CRYBG3: variants seen among roughly 807,000 people sequenced by gnomAD.
CRYBG3 encodes crystallin beta-gamma domain containing 3.
Under a neutral mutation model 244.2 loss-of-function variants are expected in CRYBG3, and 127 were observed. That is an observed-to-expected ratio of 0.52 (90% CI 0.45 to 0.60). CRYBG3 has a LOEUF of 0.60. CRYBG3 is among the 20% of genes least tolerant of loss of function. The pLI is 0.00. For missense variants in CRYBG3, 3,325 were observed against 3,442.5 expected, an observed-to-expected ratio of 0.97 and a Z score of 0.85; for synonymous variants, 1,132 against 1,195.8, an observed-to-expected ratio of 0.95 and a Z score of 1.10.
At chr3:97,916,920 C>T (rs369306525) in intron 17 of CRYBG3, among the ~76,000 whole-genome samples, 1 of 152,114 alleles carries the variant, frequency 6.6e-6, no homozygotes, top group Non-Finnish European at 1.5e-5. Flanking sequence ...CAAGTCTCTG[C>T]AGTCTTTGAT....
intron 3 of CRYBG3, among the ~76,000 whole-genome samples, chr3:97,867,397 G>GT (rs2039247357): frequency 2.0e-5 from 3 of 152,170 alleles, no homozygotes; most frequent in Non-Finnish European, 4.4e-5. Context: ...TACTTTTGCT[G>GT]TAAGTTTAGC....
chr3:97,875,068 C>T lies in CRYBG3; in HGVS notation c.3874C>T (p.Pro1292Ser), dbSNP rs2039354920. Residue 1292 changes from proline (P) to serine (S), a missense_variant, in exon 4 of 22, where the codon CCT becomes TCT. Coordinates refer to ENST00000389622, the MANE Select transcript of CRYBG3 (RefSeq NM_153605.4). ...TVGEKNLLVD[P>S]NSMNVSCLLE... ...TGGTGAGAAGAATCTTCTTGTTGAT[C>T]CTAATAGTATGAATGTATCTTGTTT... 1 of 1,533,792 alleles carries T rather than the reference C, an allele frequency of 6.5e-7. No homozygotes were observed. Among genetic ancestry groups the T allele is most frequent in the East Asian group, 2.4e-5 (1 of 40,902 alleles).
In CRYBG3 at chr3:97,874,872, G is replaced by C. The variant is rs1038792702; in HGVS notation, c.3678G>C (p.Glu1226Asp). The change falls in exon 4 of 22, where the codon GAG becomes GAC. Residue 1226 changes from glutamate to aspartate, a missense_variant. This residue lies in a region of CRYBG3 where 1,526 missense variants were observed against 1,443.2 expected (regional missense o/e 1.06). Transcript: ENST00000389622. ...AACACACAGTGAGTACCTGCCAGGA[G>C]CATATAGCCATAGAAGGTATAATGA... ...KFKHTVSTCQ[E>D]HIAIEGIMNL... 1 of 1,535,408 alleles carries C rather than the reference G, an allele frequency of 6.5e-7. No individual in the cohort carries two copies. The highest frequency in any genetic ancestry group is 1.7e-4 in the Middle Eastern group (1 of 5,982).
chr3:97,864,724 G>C, intron 3 of CRYBG3, 77 bp downstream of exon 3: 1 of 964,334 alleles, frequency 1.0e-6, no homozygotes, highest in Non-Finnish European at 1.5e-6. Context: ...TTTAATCCTA[G>C]TAATTGGTGG....
At chr3:97,927,348 A>C (rs2040051115) in intron 17 of CRYBG3, among the ~76,000 whole-genome samples, 2 of 151,968 alleles carry the variant, frequency 1.3e-5, no homozygotes, top group South Asian at 4.1e-4. Flanking sequence ...ATGGTGCTGG[A>C]ATAATTGGCT....
At chr3:97,849,309 G>A (rs894206998) in intron 2 of CRYBG3, among the ~76,000 whole-genome samples, 3 of 152,086 alleles carry the variant, frequency 2.0e-5, no homozygotes, top group African/African-American at 7.2e-5. Context: ...ATTTATTCTG[G>A]GTGAATAGTA....
In CRYBG3 at chr3:97,936,791, A is replaced by G. The variant is rs886724822; in HGVS notation, c.8388A>G (p.Ile2796Met). Reference sequence around the variant, plus strand: ...TTCTTTCTTGTTCTCATAGATGGATAGCTTATGAAGGATCCAATTTCTTGG... The same window carrying G: ...TTCTTTCTTGTTCTCATAGATGGATGGCTTATGAAGGATCCAATTTCTTGG... ...QSVWVKSGLW[I>M]AYEGSNFLGR... Residue 2796 changes from isoleucine to methionine, a missense_variant, in exon 19 of 22, where the codon ATA becomes ATG. Ile to Met is a conservative substitution (Grantham distance 10). Around this residue, in one of 4 missense-constraint regions of CRYBG3, gnomAD observed 714 missense variants for 803.6 expected, o/e 0.89. Coordinates refer to ENST00000389622, the MANE Select transcript of CRYBG3 (RefSeq NM_153605.4). The G allele has an allele frequency of 6.2e-7, 1 of 1,611,692 alleles. No homozygotes were observed. Among genetic ancestry groups the G allele is most frequent in the Non-Finnish European group, 8.5e-7 (1 of 1,179,002 alleles).
At chr3:97,891,613 C>G (rs556759220) in intron 10 of CRYBG3, among the ~76,000 whole-genome samples, 1 of 152,220 alleles carries the variant, frequency 6.6e-6, no homozygotes, top group African/African-American at 2.4e-5. Flanking sequence ...GAGGGTCTTG[C>G]AAATTAACTA....
At chr3:97,842,784 A>T (rs2038840915) in intron 1 of CRYBG3, among the ~76,000 whole-genome samples, 1 of 152,162 alleles carries the variant, frequency 6.6e-6, no homozygotes, top group Non-Finnish European at 1.5e-5. Context: ...GATTTGCTGA[A>T]TAGAAATGCA....
chr3:97,838,726 A>G (rs995684161), intron 1 of CRYBG3, among the ~76,000 whole-genome samples: 2 of 152,088 alleles, frequency 1.3e-5, no homozygotes, highest in Non-Finnish European at 1.5e-5. Flanking sequence ...CTTATCTGCT[A>G]TTGGTTAGGG....
chr3:97,874,793 C>T lies in CRYBG3; in HGVS notation c.3599C>T (p.Ala1200Val), dbSNP rs1258920862. The T allele has an allele frequency of 1.3e-6, 2 of 1,535,900 alleles. No homozygotes were observed. Among genetic ancestry groups the T allele is most frequent in the African/African-American group, 2.7e-5 (2 of 73,024 alleles). ...CTCAAAAGTAGTTTACTCAAAAAGG[C>T]CGATACATTGATTGGTGAGATTTTT... ...LDLKSSLLKK[A>V]DTLIGEIFNS... is the part of the protein sequence containing the mutation. Residue 1200 changes from alanine (A) to valine (V), a missense_variant, in exon 4 of 22, where the codon GCC (alanine) becomes GTC (valine). This residue lies in a region of CRYBG3 where 1,526 missense variants were observed against 1,443.2 expected (regional missense o/e 1.06). Transcript: ENST00000389622.
At chr3:97,900,549 T>G in intron 15 of CRYBG3, 64 bp downstream of exon 15, 3 of 1,000,442 alleles carry the variant, frequency 3.0e-6, no homozygotes, top group Non-Finnish European at 4.6e-6. Context: ...ACCCTTTCTC[T>G]CAAATCTTTC....
At position 97,874,033 on chromosome 3, in the gene CRYBG3, A is replaced by G. The variant is rs2039338984; in HGVS notation, c.2839A>G (p.Ile947Val). The change falls in exon 4 of 22, where the codon ATT (isoleucine) becomes GTT (valine). Residue 947 changes from isoleucine to valine, a missense_variant. Around this residue, in one of 4 missense-constraint regions of CRYBG3, gnomAD observed 1,526 missense variants for 1,443.2 expected, o/e 1.06. Coordinates refer to ENST00000389622, the MANE Select transcript of CRYBG3 (RefSeq NM_153605.4). Reference sequence around the variant, plus strand: ...TAATATATCTTGGATTTTACCACCTATTCATGATGAAAAAATCAGTAGGCA... The same window carrying G: ...TAATATATCTTGGATTTTACCACCTGTTCATGATGAAAAAATCAGTAGGCA... ...KSNISWILPP[I>V]HDEKISRQMA... 1.3e-6 allele frequency: 2 copies of G among 1,535,768 alleles called. No homozygotes were observed. The highest frequency in any genetic ancestry group is 1.4e-5 in the African/African-American group (1 of 73,142).
At chr3:97,938,590 T>C (rs1301304355) in intron 19 of CRYBG3, among the ~76,000 whole-genome samples, 1 of 151,984 alleles carries the variant, frequency 6.6e-6, no homozygotes, top group Non-Finnish European at 1.5e-5. Flanking sequence ...TGAGTTCTGT[T>C]GGTTCAAATC....
intron 1 of CRYBG3, among the ~76,000 whole-genome samples, chr3:97,831,798 T>C (rs1000560208): frequency 2.6e-5 from 4 of 152,176 alleles, no homozygotes; most frequent in African/African-American, 9.6e-5. Flanking sequence ...TTTTATTTAT[T>C]CTAAATTATA....
At chr3:97,912,096 G>C in intron 15 of CRYBG3, 71 bp from the exon 16 acceptor site, 2 of 667,360 alleles carry the variant, frequency 3.0e-6, no homozygotes, top group South Asian at 4.8e-5. Context: ...TGAAATTAAA[G>C]GTTTTTATTT....
intron 7 of CRYBG3, 23 bp from the exon 8 acceptor site, chr3:97,886,608 G>T (rs776219115): frequency 6.3e-7 from 1 of 1,587,492 alleles, no homozygotes; most frequent in Non-Finnish European, 8.6e-7. Flanking sequence ...TGATTTCAAA[G>T]CCAAATTATT....
Position 97,900,452 on chromosome 3 carries a change from G to T in CRYBG3, c.7972-1G>T. The T allele has an allele frequency of 6.5e-7, 1 of 1,549,544 alleles. No homozygotes were observed. The highest frequency in any genetic ancestry group is 8.9e-7 in the Non-Finnish European group (1 of 1,124,364). On this transcript the variant is annotated splice_acceptor_variant, in intron 14 of 21. Coordinates refer to ENST00000389622, the MANE Select transcript of CRYBG3 (RefSeq NM_153605.4). LOFTEE classifies it high-confidence loss of function. ...TGAAAATGTTTTAATATGTTTTTCA[G>T]GAACCACTTGGGATAAATGAACCTC...
At chr3:97,830,834 T>C (rs1433714331) in intron 1 of CRYBG3, among the ~76,000 whole-genome samples, 1 of 152,206 alleles carries the variant, frequency 6.6e-6, no homozygotes, top group African/African-American at 2.4e-5. Flanking sequence ...TGGCAGGCTC[T>C]TTCACTTGAG....
Sources: gnomAD v4.1 joint callset for allele counts (sites outside exome capture counted in the v4.1 genomes callset) on GRCh38, gnomAD v4.1.1 for gene constraint, gnomAD v4.1.1 regional missense constraint, MANE v1.5 for transcripts, NCBI Gene and HGNC (gene_info 2026-07-23, HGNC 2026-07-21) for gene names.